The following ITGB6 variants were observed in gnomAD, a reference collection of about 807,000 sequenced individuals.
ITGB6 encodes the protein integrin subunit beta 6, also known as integrin beta-6.
A neutral mutation model predicts 84.5 loss-of-function variants in ITGB6; 80 were observed. The ratio of observed to expected loss-of-function variants is 0.95; its 90% CI spans 0.79 to 1.14. The LOEUF is 1.14. ITGB6 is among the 50% of genes most tolerant of loss of function. ITGB6 has a pLI of 0.00. For synonymous variants in ITGB6, 383 were observed against 354.9 expected (o/e 1.08, Z -0.89); for missense variants, 1,006 against 968.0 (o/e 1.04, Z -0.52).
intron 8 of ITGB6, 68 bp from the exon 9 acceptor site, chr2:160,138,267 T>G: frequency 7.0e-7 from 1 of 1,426,512 alleles, no homozygotes. Context: ...GAAGAAACCG[T>G]GAATCATGTT....
chr2:160,103,312 A>T (rs1041898028), intron 14 of ITGB6, among the ~76,000 whole-genome samples: 20 of 152,188 alleles, frequency 1.3e-4, no homozygotes, highest in African/African-American at 4.8e-4. Context: ...GTGAGTGGGA[A>T]TCACACCTGC....
chr2:160,168,127 T>C (rs1369616915), intron 7 of ITGB6, among the ~76,000 whole-genome samples: 1 of 152,196 alleles, frequency 6.6e-6, no homozygotes, highest in Non-Finnish European at 1.5e-5. Context: ...TGGAGCTTGA[T>C]TGCAAGGAAC....
At chr2:160,118,776 A>C (rs1682895603) in intron 12 of ITGB6, among the ~76,000 whole-genome samples, 1 of 152,040 alleles carries the variant, frequency 6.6e-6, no homozygotes, top group Non-Finnish European at 1.5e-5. Flanking sequence ...CCATCATCTC[A>C]GCCCAAAATC....
intron 10 of ITGB6, among the ~76,000 whole-genome samples, chr2:160,127,216 T>G (rs188568404): frequency 1.3e-5 from 2 of 152,352 alleles, no homozygotes; most frequent in East Asian, 3.9e-4. Flanking sequence ...TCCCCTTTTC[T>G]TTCCAGATCT....
At position 160,172,623 on chromosome 2, in the gene ITGB6, A is replaced by G. The variant is rs1473450586; in HGVS notation, c.867T>C (p.Asn289=). 1 of 1,612,166 alleles carries G rather than the reference A, an allele frequency of 6.2e-7. No homozygotes were observed. The highest frequency in any genetic ancestry group is 2.2e-5 in the East Asian group (1 of 44,836). Residue 289 remains asparagine, a synonymous_variant, in exon 6 of 15, where the codon AAT becomes AAC. Coordinates refer to ENST00000283249, the MANE Select transcript of ITGB6 (RefSeq NM_000888.5). The part of the protein sequence containing the change: ...DSKLAGIVIP[N]DGLCHLDSKN... ...TGCTGTCCAAGTGACAGAGCCCGTC[A>G]TTAGGAATGACGATGCCTGCTAGTT... is the stretch of plus-strand genomic sequence containing the variant.
intron 7 of ITGB6, among the ~76,000 whole-genome samples, chr2:160,167,265 C>T (rs1032766469): frequency 6.6e-6 from 1 of 152,166 alleles, no homozygotes; most frequent in Admixed American, 6.5e-5. Context: ...TTTCAGTTTT[C>T]ATTATCAATA....
chr2:160,187,431 T>C (rs1289609971), intron 4 of ITGB6, among the ~76,000 whole-genome samples: 1 of 152,204 alleles, frequency 6.6e-6, no homozygotes, highest in Admixed American at 6.5e-5. Context: ...TGTTATCTAC[T>C]ATCACCTGTT....
At chr2:160,115,487 A>T (rs1239419754) in intron 12 of ITGB6, among the ~76,000 whole-genome samples, 2 of 152,250 alleles carry the variant, frequency 1.3e-5, no homozygotes, top group Non-Finnish European at 2.9e-5. Context: ...AACAGAAAGG[A>T]CATCCACACC....
rs148865300 is a variant in ITGB6 at position 160,181,532 on chromosome 2, C to T, written c.594-7393G>A. On this transcript the variant is annotated intron_variant, in intron 4 of 14. Coordinates refer to ENST00000283249, the MANE Select transcript of ITGB6 (RefSeq NM_000888.5). ...ACTCCCATCTCCCTGGGACAGAGCA[C>T]CTGGGGAAAGGGGCGACTGTGGGCA... Among the ~76,000 whole-genome samples the T allele has an allele frequency of 6.6e-3, 1,004 of 152,278 alleles. 8 individuals are homozygous for T. Among genetic ancestry groups the T allele is most frequent in the African/African-American group, 0.022 (922 of 41,550 alleles).
intron 13 of ITGB6, among the ~76,000 whole-genome samples, chr2:160,109,627 G>C (rs1460315163): frequency 2.6e-5 from 4 of 152,224 alleles, no homozygotes; most frequent in African/African-American, 9.6e-5. Context: ...TTACACAATA[G>C]AGATCATCAC....
chr2:160,144,649 T>G (rs1307325952), intron 7 of ITGB6, among the ~76,000 whole-genome samples: 1 of 152,222 alleles, frequency 6.6e-6, no homozygotes, highest in African/African-American at 2.4e-5. Flanking sequence ...AAAAACATCC[T>G]GAGAACCCCA....
chr2:160,121,258 A>G (rs6731260), intron 12 of ITGB6, among the ~76,000 whole-genome samples: 45,127 of 151,956 alleles, frequency 0.3, 8,429 homozygotes, highest in Non-Finnish European at 0.41. Flanking sequence ...GGAATCCTCT[A>G]TTTATTCCAA....
chr2:160,197,955 T>A (rs113244264), intron 2 of ITGB6, among the ~76,000 whole-genome samples: 31 of 152,364 alleles, frequency 2.0e-4, no homozygotes, highest in African/African-American at 7.5e-4. Context: ...TAGAATAATT[T>A]GGTTTTACAA....
At chr2:160,148,109 C>T (rs527649694) in intron 7 of ITGB6, among the ~76,000 whole-genome samples, 29 of 152,078 alleles carry the variant, frequency 1.9e-4, no homozygotes, top group Non-Finnish European at 3.4e-4. Context: ...GAACTCTTAA[C>T]AAGAAAACAA....
intron 13 of ITGB6, among the ~76,000 whole-genome samples, chr2:160,111,248 G>A (rs1450220537): frequency 4.6e-5 from 7 of 152,040 alleles, no homozygotes; most frequent in African/African-American, 1.7e-4. Context: ...AATCAATACT[G>A]TAAGGGATGG....
intron 12 of ITGB6, among the ~76,000 whole-genome samples, chr2:160,123,114 C>T (rs1472079359): frequency 6.6e-6 from 1 of 152,172 alleles, no homozygotes; most frequent in African/African-American, 2.4e-5. Flanking sequence ...AAAAAACAAG[C>T]TATTTAAATA....
At chr2:160,133,650 G>A (rs972269275) in intron 10 of ITGB6, among the ~76,000 whole-genome samples, 1 of 151,964 alleles carries the variant, frequency 6.6e-6, no homozygotes, top group African/African-American at 2.4e-5. Context: ...ACCACATAGT[G>A]GGAAGTAAAG....
At chr2:160,112,321 G>A in intron 12 of ITGB6, 122 bp from the exon 13 acceptor site, 2 of 951,250 alleles carry the variant, frequency 2.1e-6, no homozygotes, top group South Asian at 1.6e-5. Flanking sequence ...AATGAGAATA[G>A]GAGAGGCATA....
At chr2:160,111,967 T>C in intron 13 of ITGB6, 113 bp downstream of exon 13, 1 of 1,071,870 alleles carries the variant, frequency 9.3e-7, no homozygotes, top group Non-Finnish European at 1.4e-6. Flanking sequence ...AGAAACTTCA[T>C]CAAAATTTTG....
Sources: gnomAD v4.1 joint callset for allele counts (sites outside exome capture counted in the v4.1 genomes callset) on GRCh38, gnomAD v4.1.1 for gene constraint, MANE v1.5 for transcripts, NCBI Gene and HGNC (gene_info 2026-07-23, HGNC 2026-07-21) for gene names.